The following TASP1 variants were observed in gnomAD, a reference collection of about 807,000 sequenced individuals.
TASP1 encodes taspase 1.
In TASP1, 16 loss-of-function variants were observed where a neutral mutation model predicts 56.6. That is an observed-to-expected ratio of 0.28 (90% CI 0.19 to 0.43). The LOEUF (loss-of-function observed/expected upper bound fraction) is 0.43. TASP1 is among the 20% of genes least tolerant of loss of function. The pLI, the probability that TASP1 is intolerant of heterozygous loss-of-function variation, is 1.00. For missense variants in TASP1, 393 were observed against 511.6 expected (o/e 0.77, Z 2.24); for synonymous variants, 179 against 184.2 (o/e 0.97, Z 0.23).
chr20:13,511,497 G>A (rs1289767540), intron 10 of TASP1, among the ~76,000 whole-genome samples: 1 of 152,046 alleles, frequency 6.6e-6, no homozygotes, highest in Admixed American at 6.6e-5. Flanking sequence ...TACAGTAAGG[G>A]AAAAGGGTAA....
At chr20:13,188,515 C>T in the TASP1 span, among the ~76,000 whole-genome samples, 1 of 151,966 alleles carries the variant, frequency 6.6e-6, no homozygotes, top group East Asian at 1.9e-4. Flanking sequence ...CTATAAAACA[C>T]AGATGAAAGA....
chr20:13,526,676 C>T (rs963131288), intron 10 of TASP1, among the ~76,000 whole-genome samples: 3 of 152,054 alleles, frequency 2.0e-5, no homozygotes, highest in African/African-American at 7.2e-5. Context: ...TCCACTGATG[C>T]AAGAAATGGA....
At chr20:13,553,389 C>T (rs543676431) in intron 8 of TASP1, among the ~76,000 whole-genome samples, 169 of 152,142 alleles carry the variant, frequency 1.1e-3, no homozygotes, top group African/African-American at 3.9e-3. Flanking sequence ...TGTCTGTATA[C>T]CATAAAAATA....
At chr20:13,296,828 G>T in the TASP1 span, among the ~76,000 whole-genome samples, 1 of 152,156 alleles carries the variant, frequency 6.6e-6, no homozygotes, top group Non-Finnish European at 1.5e-5. Context: ...GACCAACCTG[G>T]CCAATGTGGT....
chr20:13,179,401 A>ATGTGTG, the TASP1 span, among the ~76,000 whole-genome samples: 1 of 108,236 alleles, frequency 9.2e-6, no homozygotes, highest in South Asian at 2.5e-4. Flanking sequence ...AAGTAGAATT[A>ATGTGTG]TGTGCGTGTG....
chr20:13,299,317 T>G, the TASP1 span: 4 of 1,613,652 alleles, frequency 2.5e-6, no homozygotes. The surrounding 1 kb of genome is among the most constrained non-coding windows in gnomAD (Gnocchi z 5.8). Context: ...CACTACAAGG[T>G]GGACGTCCTG....
intron 10 of TASP1, among the ~76,000 whole-genome samples, chr20:13,519,795 T>C (rs985131539): frequency 3.3e-5 from 5 of 152,056 alleles, no homozygotes; most frequent in Non-Finnish European, 7.4e-5. Context: ...GAGAAGGAAA[T>C]AAAGGATATT....
At chr20:13,148,715 G>A in the TASP1 span, among the ~76,000 whole-genome samples, 1 of 152,154 alleles carries the variant, frequency 6.6e-6, no homozygotes. Flanking sequence ...AGTCTGCTTG[G>A]CTGAACCTTG....
the TASP1 span, among the ~76,000 whole-genome samples, chr20:13,144,708 A>C: frequency 6.6e-6 from 1 of 152,220 alleles, no homozygotes; most frequent in African/African-American, 2.4e-5. Context: ...TGAAAGGTCC[A>C]ACCTAGTCCT....
At chr20:13,208,347 A>G in the TASP1 span, among the ~76,000 whole-genome samples, 1 of 152,228 alleles carries the variant, frequency 6.6e-6, no homozygotes, top group Admixed American at 6.5e-5. Flanking sequence ...CATCCCTGTT[A>G]TAGGAAAACT....
the TASP1 span, among the ~76,000 whole-genome samples, chr20:13,179,414 T>C: frequency 6.6e-6 from 1 of 151,650 alleles, no homozygotes; most frequent in Non-Finnish European, 1.5e-5. Flanking sequence ...TGCGTGTGTG[T>C]GTGTGTGTGT....
intron 4 of TASP1, among the ~76,000 whole-genome samples, chr20:13,588,179 G>C (rs1172063391): frequency 2.0e-5 from 3 of 150,958 alleles, no homozygotes; most frequent in South Asian, 4.2e-4. Flanking sequence ...TCCACTCTCA[G>C]TACCTATTCA....
chr20:13,435,690 G>A (rs904136998), intron 11 of TASP1, among the ~76,000 whole-genome samples: 1 of 152,098 alleles, frequency 6.6e-6, no homozygotes, highest in Admixed American at 6.5e-5. Context: ...AGAAAGAGTT[G>A]GGCTTCCTTG....
At chr20:13,306,605 A>G in the TASP1 span, among the ~76,000 whole-genome samples, 2 of 151,718 alleles carry the variant, frequency 1.3e-5, no homozygotes, top group Non-Finnish European at 1.5e-5. Context: ...AATAAAACAA[A>G]GACTTCCAGG....
At chr20:13,298,806 T>C in the TASP1 span, 5 of 790,184 alleles carry the variant, frequency 6.3e-6, no homozygotes, top group African/African-American at 7.0e-5. Context: ...ACAGGAGTTG[T>C]TGACTTCAGG....
chr20:13,474,296 CTCCTA>C (rs2044637447), intron 11 of TASP1, among the ~76,000 whole-genome samples: 1 of 152,176 alleles, frequency 6.6e-6, no homozygotes, highest in Non-Finnish European at 1.5e-5. Context: ...TCCCAATCTT[CTCCTA>C]TGAGTCCTCA....
the TASP1 span, among the ~76,000 whole-genome samples, chr20:13,264,274 GAAAAA>G: frequency 6.6e-6 from 1 of 152,284 alleles, no homozygotes; most frequent in Admixed American, 6.5e-5. Context: ...GCCTTAAAGA[GAAAAA>G]GTACTAAACT....
At chr20:13,410,694 G>A (rs1381855374) in intron 13 of TASP1, among the ~76,000 whole-genome samples, 2 of 151,888 alleles carry the variant, frequency 1.3e-5, no homozygotes, top group African/African-American at 4.8e-5. Context: ...TAAACATTGA[G>A]TTGTTTGAGT....
chr20:13,612,377 G>T (rs902393974), intron 4 of TASP1, among the ~76,000 whole-genome samples: 1 of 151,924 alleles, frequency 6.6e-6, no homozygotes, highest in Non-Finnish European at 1.5e-5. Context: ...AAATATCATG[G>T]TATTTTTCTC....
Sources: allele counts gnomAD v4.1 joint callset (sites outside exome capture counted in the v4.1 genomes callset), GRCh38; gene constraint gnomAD v4.1.1; non-coding constraint Gnocchi (gnomAD v3.1); transcripts MANE v1.5; gene names NCBI Gene and HGNC (gene_info 2026-07-23, HGNC 2026-07-21).